Variants in RASAL2 observed in about 807,000 individuals in gnomAD.
RASAL2 encodes ras GTPase-activating protein nGAP.
Under a neutral mutation model 128.9 loss-of-function variants are expected in RASAL2, and 58 were observed. The ratio of observed to expected loss-of-function variants is 0.45; its 90% CI spans 0.36 to 0.56. RASAL2 has a LOEUF of 0.56. RASAL2 is among the 20% of genes least tolerant of loss of function. The probability of loss-of-function intolerance (pLI) is 0.00; values close to 1 mark genes in which losing one functional copy is unlikely to be tolerated. For synonymous variants in RASAL2, 561 were observed against 580.8 expected (o/e 0.97, Z 0.49); for missense variants, 1,360 against 1,601.6 (o/e 0.85, Z 2.57).
intron 3 of RASAL2, among the ~76,000 whole-genome samples, chr1:178,374,711 G>T (rs1014854431): frequency 1.3e-5 from 2 of 152,082 alleles, no homozygotes; most frequent in Admixed American, 1.3e-4. Context: ...TTTTAGAGGA[G>T]AAAATCCCCA....
At chr1:178,128,585 A>G (rs1659985225) in intron 1 of RASAL2, among the ~76,000 whole-genome samples, 1 of 152,138 alleles carries the variant, frequency 6.6e-6, no homozygotes, top group Non-Finnish European at 1.5e-5. Flanking sequence ...TAATTGTACA[A>G]TTCACTGATT....
At chr1:178,365,627 A>C (rs1023508975) in intron 3 of RASAL2, among the ~76,000 whole-genome samples, 1 of 152,156 alleles carries the variant, frequency 6.6e-6, no homozygotes, top group East Asian at 1.9e-4. Context: ...ACGCACCACT[A>C]TGCCCAGGTA....
chr1:178,292,259 G>A (rs927781897), intron 2 of RASAL2, among the ~76,000 whole-genome samples: 24 of 152,188 alleles, frequency 1.6e-4, no homozygotes, highest in Non-Finnish European at 2.1e-4. Flanking sequence ...TGAATCCTTA[G>A]CCAGGCACTG....
intron 1 of RASAL2, among the ~76,000 whole-genome samples, chr1:178,280,840 CAG>C (rs1463457607): frequency 6.6e-6 from 1 of 151,864 alleles, no homozygotes; most frequent in East Asian, 1.9e-4. Context: ...AATTGGAAGT[CAG>C]AAATTAAAAG....
intron 1 of RASAL2, among the ~76,000 whole-genome samples, chr1:178,182,422 G>C (rs779666373): frequency 5.9e-5 from 9 of 152,096 alleles, no homozygotes; most frequent in Non-Finnish European, 1.3e-4. Context: ...TAGGCACTAG[G>C]TATGTTTGTT....
At chr1:178,162,156 G>A (rs1488995169) in intron 1 of RASAL2, among the ~76,000 whole-genome samples, 1 of 148,086 alleles carries the variant, frequency 6.8e-6, no homozygotes, top group African/African-American at 2.5e-5. Context: ...TAGTAGAGAC[G>A]GGGTTTCACC....
chr1:178,438,146 AAAG>A (rs1461074792), intron 5 of RASAL2, among the ~76,000 whole-genome samples: 39 of 138,038 alleles, frequency 2.8e-4, no homozygotes, highest in Non-Finnish European at 4.2e-4. Context: ...GTGTGTGTGG[AAAG>A]AAGAAGAACT....
In RASAL2 at chr1:178,452,954, G is replaced by GA. The variant is rs34502339; in HGVS notation, c.2009+309dup. Among the ~76,000 whole-genome samples the GA allele has an allele frequency of 3.3e-3, 503 of 151,810 alleles. 1 individual carries two copies. The highest frequency in any genetic ancestry group is 0.011 in the African/African-American group (471 of 41,446). On this transcript the variant is annotated intron_variant, in intron 11 of 17. Transcript: ENST00000367649. ...AGTGCTGATAAAAATACTTTAGTGG[G>GA]AAAAAAAGGGCAGAATAAAAAGTGG...
chr1:178,389,275 T>G (rs1319938606), intron 3 of RASAL2: 1 of 983,868 alleles, frequency 1.0e-6, no homozygotes, highest in Non-Finnish European at 1.2e-6. Flanking sequence ...TGTCTGTCAG[T>G]TGAAGTGGCG....
intron 1 of RASAL2, among the ~76,000 whole-genome samples, chr1:178,264,316 A>G (rs1665837733): frequency 6.6e-6 from 1 of 152,228 alleles, no homozygotes; most frequent in African/African-American, 2.4e-5. Context: ...CATATTTTAA[A>G]TAACTCATGT....
chr1:178,463,346 T>C (rs529630145), intron 14 of RASAL2, among the ~76,000 whole-genome samples: 55 of 152,340 alleles, frequency 3.6e-4, no homozygotes, highest in African/African-American at 1.2e-3. Flanking sequence ...AATAGCCTAA[T>C]ATAAATTGTA....
At chr1:178,354,381 A>G (rs925580681) in intron 3 of RASAL2, among the ~76,000 whole-genome samples, 2 of 152,234 alleles carry the variant, frequency 1.3e-5, no homozygotes, top group Non-Finnish European at 2.9e-5. Flanking sequence ...ACAAAAACCC[A>G]TCGACAAATA....
intron 1 of RASAL2, among the ~76,000 whole-genome samples, chr1:178,162,412 T>A (rs111239604): frequency 1.7e-5 from 2 of 118,804 alleles, no homozygotes; most frequent in African/African-American, 3.3e-5. Flanking sequence ...TTTTATATAT[T>A]ATATATAATA....
intron 1 of RASAL2, among the ~76,000 whole-genome samples, chr1:178,277,021 G>A (rs556033653): frequency 1.9e-4 from 29 of 151,598 alleles, no homozygotes; most frequent in East Asian, 1.6e-3. Flanking sequence ...GGTGGCGGTC[G>A]CCTGTAGTCT....
At chr1:178,426,790 T>G (rs1318381332) in intron 5 of RASAL2, among the ~76,000 whole-genome samples, 2 of 152,196 alleles carry the variant, frequency 1.3e-5, no homozygotes, top group Admixed American at 1.3e-4. Flanking sequence ...AGAGCAGATC[T>G]CGAATGTCAA....
intron 1 of RASAL2, among the ~76,000 whole-genome samples, chr1:178,232,543 G>T (rs763739170): frequency 6.6e-5 from 10 of 151,962 alleles, no homozygotes; most frequent in Non-Finnish European, 2.9e-5. Flanking sequence ...CTCTGCCTCT[G>T]CTCTTTTTCT....
At chr1:178,267,145 CCTTTT>C (rs1221594358) in intron 1 of RASAL2, among the ~76,000 whole-genome samples, 2 of 152,192 alleles carry the variant, frequency 1.3e-5, no homozygotes. Context: ...GTCTATCCAT[CCTTTT>C]CTTAACAGAT....
intron 1 of RASAL2, among the ~76,000 whole-genome samples, chr1:178,163,317 T>C (rs1037835468): frequency 3.9e-5 from 6 of 152,282 alleles, no homozygotes; most frequent in Admixed American, 3.3e-4. Context: ...ATTTTTATGA[T>C]GTCCAGTTTT....
At chr1:178,097,130 A>G (rs1473586115) in intron 1 of RASAL2, among the ~76,000 whole-genome samples, 2 of 152,332 alleles carry the variant, frequency 1.3e-5, no homozygotes, top group Non-Finnish European at 2.9e-5. Flanking sequence ...TTTCAGGGAA[A>G]TCTACAAATT....
Sources: gnomAD v4.1 joint callset for allele counts (sites outside exome capture counted in the v4.1 genomes callset) on GRCh38, gnomAD v4.1.1 for gene constraint, MANE v1.5 for transcripts, NCBI Gene and HGNC (gene_info 2026-07-23, HGNC 2026-07-21) for gene names.